The following FGF12 variants were observed in gnomAD, a reference collection of about 807,000 sequenced individuals.
FGF12 encodes the protein fibroblast growth factor 12, also known as fibroblast growth factor 12B.
FGF12 carries 14 observed loss-of-function variants against 23.6 expected under a neutral mutation model. That is an observed-to-expected ratio of 0.59 (90% CI 0.39 to 0.93). The LOEUF (loss-of-function observed/expected upper bound fraction) is 0.93, where lower values mean the gene tolerates loss of function less well. Ranked by LOEUF, FGF12 falls within the 40% of genes least tolerant of loss-of-function variation. The pLI is 0.00. For missense variants in FGF12, 175 were observed against 217.8 expected, an observed-to-expected ratio of 0.80 and a Z score of 1.24; for synonymous variants, 62 against 77.3, an observed-to-expected ratio of 0.80 and a Z score of 1.04.
chr3:192,302,093 G>C (rs1472460710), intron 4 of FGF12, among the ~76,000 whole-genome samples: 1 of 152,166 alleles, frequency 6.6e-6, no homozygotes, highest in Non-Finnish European at 1.5e-5. Flanking sequence ...CACAACACTT[G>C]CTTTGCAGAA....
chr3:192,456,448 C>T (rs1295048725), intron 2 of FGF12, among the ~76,000 whole-genome samples: 2 of 152,018 alleles, frequency 1.3e-5, no homozygotes, highest in African/African-American at 4.8e-5. Context: ...AAATACTTTC[C>T]AAAGATTAAT....
chr3:192,384,081 G>A (rs940590189), intron 2 of FGF12, among the ~76,000 whole-genome samples: 5 of 152,164 alleles, frequency 3.3e-5, no homozygotes, highest in African/African-American at 1.2e-4. Flanking sequence ...AATGTTGAGT[G>A]CTATCAAGAA....
At chr3:192,234,879 C>T (rs1353854585) in intron 4 of FGF12, among the ~76,000 whole-genome samples, 1 of 152,120 alleles carries the variant, frequency 6.6e-6, no homozygotes, top group African/African-American at 2.4e-5. Flanking sequence ...TCTTACATCC[C>T]AGGACTAAAG....
intron 2 of FGF12, among the ~76,000 whole-genome samples, chr3:192,670,418 A>C (rs1717068095): frequency 6.6e-6 from 1 of 152,166 alleles, no homozygotes; most frequent in African/African-American, 2.4e-5. Context: ...ATCTTCAATA[A>C]TTTTGAAGTA....
intron 2 of FGF12, among the ~76,000 whole-genome samples, chr3:192,417,889 G>A (rs190885463): frequency 2.0e-5 from 3 of 152,096 alleles, no homozygotes; most frequent in Admixed American, 2.0e-4. Context: ...CTTGGAAGGT[G>A]CATTTAAACT....
At chr3:192,149,390 T>C (rs978952497) in intron 5 of FGF12, among the ~76,000 whole-genome samples, 2 of 148,302 alleles carry the variant, frequency 1.3e-5, no homozygotes, top group African/African-American at 5.0e-5. Flanking sequence ...TGTATACATG[T>C]GCCATGCTGG....
chr3:192,531,147 T>C (rs911030216), intron 2 of FGF12, among the ~76,000 whole-genome samples: 9 of 152,216 alleles, frequency 5.9e-5, no homozygotes, highest in Non-Finnish European at 1.0e-4. Flanking sequence ...AAGAAAAATA[T>C]TGGACAGCAA....
rs560696202 is a variant in FGF12, at chr3:192,172,654, G to A, written c.229-1998C>T. On this transcript the variant is annotated intron_variant, in intron 4 of 5. Transcript: ENST00000445105. ...AATGGACATGACAAAGTGTTTATGAGGATGTGGAAAAACTGCAACTCACAT... is the reference window on the plus strand; with the variant it reads ...AATGGACATGACAAAGTGTTTATGAAGATGTGGAAAAACTGCAACTCACAT... Among the ~76,000 whole-genome samples the A allele has an allele frequency of 8.0e-5, 12 of 150,884 alleles. 1 individual carries two copies. The highest frequency in any genetic ancestry group is 3.4e-3 in the Middle Eastern group (1 of 294).
intron 2 of FGF12, among the ~76,000 whole-genome samples, chr3:192,432,620 CAAAAAAAAAAAAA>C (rs201364119): frequency 9.4e-6 from 1 of 106,730 alleles, no homozygotes; most frequent in African/African-American, 3.7e-5. Flanking sequence ...TGACATCTGG[CAAAAAAAAAAAAA>C]AAAAAAAAAG....
chr3:192,200,185 C>T (rs538632999), intron 4 of FGF12, among the ~76,000 whole-genome samples: 65 of 151,592 alleles, frequency 4.3e-4, no homozygotes, highest in African/African-American at 1.4e-3. Context: ...AATAATTAGC[C>T]GGGTGTGGCT....
At chr3:192,681,590 G>A (rs1717528335) in intron 2 of FGF12, among the ~76,000 whole-genome samples, 1 of 152,190 alleles carries the variant, frequency 6.6e-6, no homozygotes, top group African/African-American at 2.4e-5. Flanking sequence ...TGACCAGAGG[G>A]ATTTAGAAAT....
At chr3:192,425,354 T>C (rs1721659986) in intron 2 of FGF12, among the ~76,000 whole-genome samples, 1 of 152,122 alleles carries the variant, frequency 6.6e-6, no homozygotes, top group African/African-American at 2.4e-5. Flanking sequence ...GGTTTCACCA[T>C]GGAGTGACAT....
intron 4 of FGF12, among the ~76,000 whole-genome samples, chr3:192,324,391 T>G (rs1716708172): frequency 1.3e-5 from 2 of 152,136 alleles, no homozygotes; most frequent in Admixed American, 1.3e-4. Context: ...GCTCAGGAGC[T>G]GTTTGAGGGT....
At chr3:192,469,725 A>C (rs528792641) in intron 2 of FGF12, among the ~76,000 whole-genome samples, 1 of 152,346 alleles carries the variant, frequency 6.6e-6, no homozygotes, top group Admixed American at 6.5e-5. Context: ...TAGTTGTGGA[A>C]ACTGAAGGCA....
chr3:192,556,608 A>G (rs1711786203), intron 2 of FGF12, among the ~76,000 whole-genome samples: 1 of 152,170 alleles, frequency 6.6e-6, no homozygotes, highest in Admixed American at 6.5e-5. Context: ...ATAATGGACC[A>G]AACATACAGA....
intron 2 of FGF12, among the ~76,000 whole-genome samples, chr3:192,689,716 C>A (rs972175604): frequency 2.6e-5 from 4 of 151,626 alleles, no homozygotes; most frequent in Non-Finnish European, 5.9e-5. Flanking sequence ...TTCAGAAGAA[C>A]AGAGAGAGAA....
At chr3:192,150,258 TG>T (rs1713975128) in intron 5 of FGF12, among the ~76,000 whole-genome samples, 1 of 87,934 alleles carries the variant, frequency 1.1e-5, no homozygotes, top group Non-Finnish European at 2.4e-5. Flanking sequence ...TCTCCCATTT[TG>T]TAGGTTGCCT....
At chr3:192,499,158 C>T (rs181100858) in intron 2 of FGF12, among the ~76,000 whole-genome samples, 225 of 152,134 alleles carry the variant, frequency 1.5e-3, no homozygotes, top group Non-Finnish European at 2.5e-3. Flanking sequence ...TTATATTTTA[C>T]GCTTTGGACG....
At chr3:192,279,447 T>A (rs1184711805) in intron 4 of FGF12, among the ~76,000 whole-genome samples, 3 of 152,120 alleles carry the variant, frequency 2.0e-5, no homozygotes, top group African/African-American at 4.8e-5. Context: ...TTAATTCTAA[T>A]AACAACCCTA....
Sources: allele counts gnomAD v4.1 joint callset (sites outside exome capture counted in the v4.1 genomes callset), GRCh38; gene constraint gnomAD v4.1.1; transcripts MANE v1.5; gene names NCBI Gene and HGNC (gene_info 2026-07-23, HGNC 2026-07-21).